RUNDC3A: variants seen among roughly 807,000 people sequenced by gnomAD.
The protein encoded by RUNDC3A is RUN domain-containing protein 3A.
RUNDC3A carries 28 observed loss-of-function variants against 53.9 expected under a neutral mutation model. The observed-to-expected ratio is 0.52, with a 90% CI of 0.38 to 0.71. The LOEUF (loss-of-function observed/expected upper bound fraction) is 0.71, where lower values mean the gene tolerates loss of function less well. RUNDC3A is among the 30% of genes least tolerant of loss of function. RUNDC3A has a pLI of 0.00. For synonymous variants in RUNDC3A, 232 were observed against 249.4 expected (o/e 0.93, Z 0.66); for missense variants, 491 against 597.3 (o/e 0.82, Z 1.85).
intron 4 of RUNDC3A, 38 bp downstream of exon 4, chr17:44,313,541 A>G (rs760938414): frequency 4.4e-6 from 7 of 1,593,148 alleles, no homozygotes; most frequent in Non-Finnish European, 6.0e-6. Flanking sequence ...CAGGTCTCAG[A>G]GTGCACCTGC....
rs1327459899 is a variant in RUNDC3A, at chr17:44,312,640, G to A, written c.168G>A (p.Glu56=). 3 of 1,587,740 alleles carry A rather than the reference G, an allele frequency of 1.9e-6. No individual in the cohort carries two copies. Among genetic ancestry groups the A allele is most frequent in the Admixed American group, 1.8e-5 (1 of 56,024 alleles). The change falls in exon 2 of 11, where the codon GAG becomes GAA. Residue 56 remains glutamate, a synonymous_variant. Coordinates refer to ENST00000426726, the MANE Select transcript of RUNDC3A (RefSeq NM_001144825.2). ...CGGAGCCCATCGATGACTCATCGGA[G>A]GAGTTTGTCAATTTTGCAGCCATTT... ...YTAEPIDDSS[E]EFVNFAAILE... is the part of the protein sequence containing the mutation.
At chr17:44,314,672 TCTGG>T in intron 4 of RUNDC3A, 59 bp from the exon 5 acceptor site, 3 of 469,740 alleles carry the variant, frequency 6.4e-6, no homozygotes, top group Non-Finnish European at 7.1e-6. Flanking sequence ...CAATAGCAGC[TCTGG>T]GGGGGGGGGG....
intron 3 of RUNDC3A, 59 bp downstream of exon 3, chr17:44,313,311 T>C (rs1286617742): frequency 2.8e-5 from 45 of 1,607,496 alleles, no homozygotes; most frequent in Non-Finnish European, 3.7e-5. Flanking sequence ...CCTGCCTGTT[T>C]CTTGGTTTTT....
intron 3 of RUNDC3A, 58 bp downstream of exon 3, chr17:44,313,310 T>C: frequency 6.2e-7 from 1 of 1,607,326 alleles, no homozygotes; most frequent in Admixed American, 1.7e-5. Flanking sequence ...GCCTGCCTGT[T>C]TCTTGGTTTT....
At position 44,315,348 on chromosome 17, in the gene RUNDC3A, C is replaced by G. The variant is rs1598329393; in HGVS notation, c.795+28C>G. 3 of 813,870 alleles carry G rather than the reference C, an allele frequency of 3.7e-6. No individual in the cohort carries two copies. Among genetic ancestry groups the G allele is most frequent in the South Asian group, 8.4e-5 (2 of 23,864 alleles). The allele number at this position is 813,870 out of a possible 1,614,324, so 50.4% of individuals were successfully genotyped here. ...GCGCGACGCCGGCGGGCCCGGGGGG[C>G]GGGCGGGCCGGGCGGGGGATCCGGG... On this transcript the variant is annotated intron_variant, in intron 7 of 10. Transcript: ENST00000426726. This position sits in a 1 kb window ranked among gnomAD's most constrained non-coding sequence, Gnocchi z 6.1.
intron 10 of RUNDC3A, chr17:44,317,515 C>G: frequency 2.6e-6 from 2 of 780,900 alleles, no homozygotes; most frequent in Non-Finnish European, 4.8e-6. Context: ...TGGCTCCCTT[C>G]GAGCGAATGC....
rs972873568 is a variant in RUNDC3A at position 44,315,393 on chromosome 17, G to A, written c.796-59G>A. The A allele has an allele frequency of 4.6e-5, 54 of 1,167,438 alleles. No individual in the cohort carries two copies. The highest frequency in any genetic ancestry group is 5.5e-5 in the Non-Finnish European group (50 of 906,354). 72.3% of individuals were successfully genotyped at this position (1,167,438 alleles called of 1,614,324 possible). A position where few individuals can be genotyped will look rare whatever the true frequency, so the allele number is the denominator to read the frequency against. On this transcript the variant is annotated intron_variant, in intron 7 of 10. Coordinates refer to ENST00000426726, the MANE Select transcript of RUNDC3A (RefSeq NM_001144825.2). This position sits in a 1 kb window ranked among gnomAD's most constrained non-coding sequence, Gnocchi z 6.1. ...TCCGGGCATCCCGGGGCGGGGCGGG[G>A]ATGGGGGCCGCGGCCGGGACGTCCT...
At chr17:44,312,458 C>T in intron 1 of RUNDC3A, 122 bp from the exon 2 acceptor site, 1 of 641,854 alleles carries the variant, frequency 1.6e-6, no homozygotes, top group Admixed American at 2.5e-5. Flanking sequence ...CTCGCTCTGC[C>T]CCCCACCACA....
chr17:44,317,381 G>C (rs1175928021), intron 10 of RUNDC3A: 1 of 762,482 alleles, frequency 1.3e-6, no homozygotes, highest in African/African-American at 1.7e-5. Context: ...ATCCTCGGGG[G>C]CTCACAAACT....
In RUNDC3A at chr17:44,317,804, G is replaced by C. The variant is rs149635056; in HGVS notation, c.1199-292G>C. The C allele has an allele frequency of 3.3e-4, 195 of 596,258 alleles. 2 individuals are homozygous for C. In the East Asian group the frequency reaches 5.4e-3, roughly 17 times the overall value. 36.9% of individuals were successfully genotyped at this position (596,258 alleles called of 1,614,324 possible). On this transcript the variant is annotated intron_variant, in intron 10 of 10. Transcript: ENST00000426726. ...GTCTTGTCCGTTCTCTGTATCCCCA[G>C]TGCTTGGAACAGAGCGAGTGCTCAC...
At chr17:44,316,085 C>A (rs1277735099) in intron 8 of RUNDC3A, among the ~76,000 whole-genome samples, 1 of 151,996 alleles carries the variant, frequency 6.6e-6, no homozygotes, top group Non-Finnish European at 1.5e-5. Context: ...ATCCCCAAGA[C>A]GATCTTACAC....
Position 44,318,417 on chromosome 17 carries a change from T to C in RUNDC3A, c.*179T>C. On this transcript the variant is annotated 3_prime_UTR_variant, in exon 11 of 11. Coordinates refer to ENST00000426726, the MANE Select transcript of RUNDC3A (RefSeq NM_001144825.2). The stretch of plus-strand genomic sequence containing the variant: ...AGCTTTCTGCCTTGGCAGCACGGGC[T>C]GCGGAAGAAAGCACGCTGGGCCAGG... The C allele has an allele frequency of 1.3e-6, 1 of 757,214 alleles. No individual in the cohort carries two copies. The highest frequency in any genetic ancestry group is 2.0e-5 in the South Asian group (1 of 50,322). 46.9% of individuals were successfully genotyped at this position (757,214 alleles called of 1,614,324 possible). A position where few individuals can be genotyped will look rare whatever the true frequency, so the allele number is the denominator to read the frequency against.
intron 1 of RUNDC3A, among the ~76,000 whole-genome samples, chr17:44,309,333 C>A (rs1343609674): frequency 6.6e-6 from 1 of 152,140 alleles, no homozygotes; most frequent in Non-Finnish European, 1.5e-5. Context: ...TCATTGACAC[C>A]CATGTCAAAC....
At chr17:44,314,519 G>C in intron 4 of RUNDC3A, 1 of 1,422,056 alleles carries the variant, frequency 7.0e-7, no homozygotes, top group East Asian at 2.5e-5. Context: ...CTCAGAGGGA[G>C]GAGTCGGCTC....
Position 44,315,699 on chromosome 17 carries a change from A to C in RUNDC3A, c.953+90A>C. On this transcript the variant is annotated intron_variant, in intron 8 of 10. Coordinates refer to ENST00000426726, the MANE Select transcript of RUNDC3A (RefSeq NM_001144825.2). This position sits in a 1 kb window ranked among gnomAD's most constrained non-coding sequence, Gnocchi z 6.1. Reference sequence around the variant, plus strand: ...CATCTTCACTTCCATCGACTCTAACATCACCCGACACGAGCACCCACCTCT... The same window carrying C: ...CATCTTCACTTCCATCGACTCTAACCTCACCCGACACGAGCACCCACCTCT... The C allele has an allele frequency of 6.7e-6, 8 of 1,187,920 alleles. No homozygotes were observed. The highest frequency in any genetic ancestry group is 2.2e-5 in the South Asian group (1 of 44,736). 73.6% of individuals were successfully genotyped at this position (1,187,920 alleles called of 1,614,324 possible).
At position 44,308,812 on chromosome 17, in the gene RUNDC3A, C is replaced by T; in HGVS notation, c.-21C>T. 6.5e-7 allele frequency: 1 copy of T among 1,540,672 alleles called. No individual in the cohort carries two copies. Among genetic ancestry groups the T allele is most frequent in the Non-Finnish European group, 8.8e-7 (1 of 1,130,260 alleles). ...GGGGTGGGGGGGCAGCGGGCGGCGG[C>T]AGCAGTGGCCGCACATCTGGATGGA... is the stretch of plus-strand genomic sequence containing the variant. On this transcript the variant is annotated 5_prime_UTR_variant, in exon 1 of 11. Transcript: ENST00000426726.
chr17:44,312,825 G>C, intron 2 of RUNDC3A, 130 bp downstream of exon 2: 1 of 596,780 alleles, frequency 1.7e-6, no homozygotes, highest in Admixed American at 3.1e-5. Context: ...ACCTCTTTCT[G>C]ATATACTCCA....
chr17:44,314,904 C>T, intron 5 of RUNDC3A, 25 bp from the exon 6 acceptor site: 1 of 1,614,068 alleles, frequency 6.2e-7, no homozygotes, highest in Non-Finnish European at 8.5e-7. Flanking sequence ...CACCCACCTC[C>T]AACCCTGTGG....
intron 4 of RUNDC3A, 185 bp from the exon 5 acceptor site, chr17:44,314,550 G>A: frequency 7.0e-7 from 1 of 1,433,204 alleles, no homozygotes; most frequent in Non-Finnish European, 9.1e-7. Flanking sequence ...CATTCTAGGT[G>A]ATGGGGCCAC....
Sources: allele counts gnomAD v4.1 joint callset (sites outside exome capture counted in the v4.1 genomes callset), GRCh38; gene constraint gnomAD v4.1.1; non-coding constraint Gnocchi (gnomAD v3.1); transcripts MANE v1.5; gene names NCBI Gene and HGNC (gene_info 2026-07-23, HGNC 2026-07-21).